Variants in ARHGAP24 observed in about 807,000 individuals in gnomAD.
ARHGAP24 encodes rho GTPase-activating protein 24.
In ARHGAP24, 50 loss-of-function variants were observed where a neutral mutation model predicts 76.4. The observed-to-expected ratio is 0.65, with a 90% CI of 0.52 to 0.83. ARHGAP24 has a LOEUF of 0.83. ARHGAP24 is among the 40% of genes least tolerant of loss of function. The probability of loss-of-function intolerance (pLI) is 0.00; values close to 1 mark genes in which losing one functional copy is unlikely to be tolerated. For missense variants in ARHGAP24, 930 were observed against 914.2 expected (o/e 1.02, Z -0.22); for synonymous variants, 345 against 323.3 (o/e 1.07, Z -0.72).
intron 3 of ARHGAP24, among the ~76,000 whole-genome samples, chr4:85,819,940 G>C (rs1180633900): frequency 6.6e-6 from 1 of 152,174 alleles, no homozygotes; most frequent in Non-Finnish European, 1.5e-5. Context: ...GTAGATGCCA[G>C]CATCATGCTT....
chr4:85,685,588 G>A (rs996549883), intron 2 of ARHGAP24, among the ~76,000 whole-genome samples: 5 of 148,964 alleles, frequency 3.4e-5, no homozygotes, highest in South Asian at 4.2e-4. Context: ...AGCCGAGATC[G>A]TGCCACTTCA....
intron 2 of ARHGAP24, among the ~76,000 whole-genome samples, chr4:85,651,648 G>A (rs1353683361): frequency 7.0e-6 from 1 of 143,538 alleles, no homozygotes; most frequent in East Asian, 1.9e-4. Context: ...TACCCAAACT[G>A]TGAACATAGT....
At chr4:85,970,669 C>A (rs1353677763) in intron 5 of ARHGAP24, among the ~76,000 whole-genome samples, 1 of 152,116 alleles carries the variant, frequency 6.6e-6, no homozygotes, top group East Asian at 1.9e-4. Flanking sequence ...AGAGAATATT[C>A]ACTGAGGCAG....
chr4:85,923,032 T>A (rs1735815422), intron 3 of ARHGAP24, among the ~76,000 whole-genome samples: 1 of 152,004 alleles, frequency 6.6e-6, no homozygotes, highest in African/African-American at 2.4e-5. Context: ...CCTTCGTGGC[T>A]GTCCAGGCAT....
intron 2 of ARHGAP24, among the ~76,000 whole-genome samples, chr4:85,651,285 G>A (rs1721932069): frequency 6.7e-6 from 1 of 149,340 alleles, no homozygotes; most frequent in Non-Finnish European, 1.5e-5. Context: ...TTGATGTTGT[G>A]TAGCATAGAT....
intron 1 of ARHGAP24, among the ~76,000 whole-genome samples, chr4:85,564,968 A>G (rs1726777261): frequency 8.1e-6 from 1 of 123,652 alleles, no homozygotes; most frequent in South Asian, 2.5e-4. Context: ...ATATATATAT[A>G]TACCCACACC....
chr4:85,869,758 C>T (rs1405441065), intron 3 of ARHGAP24, among the ~76,000 whole-genome samples: 1 of 152,122 alleles, frequency 6.6e-6, no homozygotes, highest in East Asian at 1.9e-4. Context: ...TGTGTGTTAA[C>T]TCTGTTTTCT....
chr4:85,913,700 G>A lies in ARHGAP24; in HGVS notation c.269-9948G>A, dbSNP rs144762761. The stretch of plus-strand genomic sequence containing the variant: ...CAATAAATGTGTTGAATAAATGAAT[G>A]AATGCTCTGCTTTACCTCCTAGGGT... On this transcript the variant is annotated intron_variant, in intron 3 of 9. Coordinates refer to ENST00000395184, the MANE Select transcript of ARHGAP24 (RefSeq NM_001025616.3). Among the ~76,000 whole-genome samples the A allele has an allele frequency of 5.0e-3, 758 of 152,236 alleles. 6 individuals carry two copies. The highest frequency in any genetic ancestry group is 0.017 in the African/African-American group (721 of 41,522).
chr4:85,927,624 A>T (rs895765600), intron 4 of ARHGAP24, among the ~76,000 whole-genome samples: 9 of 152,226 alleles, frequency 5.9e-5, no homozygotes, highest in Non-Finnish European at 1.0e-4. Context: ...AAAGCACTTG[A>T]TTAGATGGTA....
At chr4:85,540,345 A>G (rs1327102223) in intron 1 of ARHGAP24, among the ~76,000 whole-genome samples, 1 of 152,218 alleles carries the variant, frequency 6.6e-6, no homozygotes, top group African/African-American at 2.4e-5. Context: ...AACATCGCCA[A>G]TAATTCAATG....
Position 85,662,337 on chromosome 4 carries a change from A to G in ARHGAP24, c.181-59548A>G, listed in dbSNP as rs1030042780. Among the ~76,000 whole-genome samples the G allele has an allele frequency of 2.0e-4, 31 of 151,320 alleles. 1 individual carries two copies. Among genetic ancestry groups the G allele is most frequent in the Non-Finnish European group, 2.2e-4 (15 of 68,016 alleles). The stretch of plus-strand genomic sequence containing the variant: ...CTTCTTTTGAGAAGTGTCTGTTGAT[A>G]TCCTTCACCCACTTTTTGATGGGGT... On this transcript the variant is annotated intron_variant, in intron 2 of 9. Coordinates refer to ENST00000395184, the MANE Select transcript of ARHGAP24 (RefSeq NM_001025616.3).
intron 1 of ARHGAP24, among the ~76,000 whole-genome samples, chr4:85,523,350 A>T (rs1261767951): frequency 1.3e-5 from 2 of 152,192 alleles, no homozygotes; most frequent in Non-Finnish European, 2.9e-5. Flanking sequence ...AGTAACTTGC[A>T]GTTATAGCTT....
intron 8 of ARHGAP24, among the ~76,000 whole-genome samples, chr4:85,986,980 A>C (rs1021626820): frequency 2.0e-5 from 3 of 152,216 alleles, no homozygotes; most frequent in African/African-American, 7.2e-5. Context: ...GAGCATAAGG[A>C]ATTTTTAGGG....
intron 3 of ARHGAP24, among the ~76,000 whole-genome samples, chr4:85,911,993 T>C (rs1250031666): frequency 6.6e-6 from 1 of 152,186 alleles, no homozygotes; most frequent in Non-Finnish European, 1.5e-5. Context: ...TACTTGTAAT[T>C]AGAATAGGTG....
chr4:85,762,358 G>C (rs541747657), intron 3 of ARHGAP24, among the ~76,000 whole-genome samples: 1 of 151,990 alleles, frequency 6.6e-6, no homozygotes, highest in East Asian at 1.9e-4. Flanking sequence ...CTTTTTCTTT[G>C]AGAACGAGAA....
At chr4:85,901,566 G>C (rs907586714) in intron 3 of ARHGAP24, among the ~76,000 whole-genome samples, 5 of 152,096 alleles carry the variant, frequency 3.3e-5, no homozygotes, top group Non-Finnish European at 5.9e-5. Context: ...CATATGTTAG[G>C]CTATAGTTTG....
chr4:85,759,362 G>C (rs2110071954), intron 3 of ARHGAP24, among the ~76,000 whole-genome samples: 1 of 152,216 alleles, frequency 6.6e-6, no homozygotes, highest in Non-Finnish European at 1.5e-5. Context: ...ACCTGAACCA[G>C]CCCTCAAAAT....
At chr4:85,877,366 T>C (rs1028040649) in intron 3 of ARHGAP24, among the ~76,000 whole-genome samples, 15 of 152,334 alleles carry the variant, frequency 9.8e-5, no homozygotes, top group Admixed American at 9.8e-4. Context: ...AGCTCACTCC[T>C]GTAATCACCA....
chr4:85,783,335 C>T (rs1281485960), intron 3 of ARHGAP24, among the ~76,000 whole-genome samples: 1 of 152,106 alleles, frequency 6.6e-6, no homozygotes, highest in Non-Finnish European at 1.5e-5. Context: ...AACATGGCTC[C>T]TATTGTTGGG....
Sources: gnomAD v4.1 joint callset for allele counts (sites outside exome capture counted in the v4.1 genomes callset) on GRCh38, gnomAD v4.1.1 for gene constraint, MANE v1.5 for transcripts, NCBI Gene and HGNC (gene_info 2026-07-23, HGNC 2026-07-21) for gene names.